The following MMP24 variants were observed in gnomAD, a reference collection of about 807,000 sequenced individuals.
MMP24 encodes matrix metalloproteinase-24.
A neutral mutation model predicts 62.8 loss-of-function variants in MMP24; 25 were observed. The ratio of observed to expected loss-of-function variants is 0.40; its 90% CI spans 0.29 to 0.56. The LOEUF (loss-of-function observed/expected upper bound fraction) is 0.56, where lower values mean the gene tolerates loss of function less well. Ranked by LOEUF, MMP24 falls within the 20% of genes least tolerant of loss-of-function variation. The pLI, the probability that MMP24 is intolerant of heterozygous loss-of-function variation, is 0.50. For synonymous variants in MMP24, 319 were observed against 350.5 expected (o/e 0.91, Z 1.00); for missense variants, 634 against 853.6 (o/e 0.74, Z 3.21).
chr20:35,249,155 T>A (rs2060531687), intron 2 of MMP24, among the ~76,000 whole-genome samples: 1 of 152,166 alleles, frequency 6.6e-6, no homozygotes, highest in Non-Finnish European at 1.5e-5. Flanking sequence ...AGGGTAGAAT[T>A]TAGAGCCCCA....
intron 5 of MMP24, 35 bp downstream of exon 5, chr20:35,263,987 T>A (rs140227200): frequency 6.4e-7 from 1 of 1,562,212 alleles, no homozygotes; most frequent in Admixed American, 1.8e-5. Context: ...TGCTCCTTCC[T>A]CGGGGCTGGG....
rs992277342 is a variant in MMP24 at position 35,275,437 on chromosome 20, GC to G, written c.*831del. 1.3e-5 allele frequency: 2 copies of G among 152,206 alleles called. No homozygotes were observed. The highest frequency in any genetic ancestry group is 4.8e-5 in the African/African-American group (2 of 41,418). The allele number at this position is 152,206 out of a possible 1,614,324, so 9.4% of individuals were successfully genotyped here. A position where few individuals can be genotyped will look rare whatever the true frequency, so the allele number is the denominator to read the frequency against. On this transcript the variant is annotated 3_prime_UTR_variant, in exon 9 of 9. Transcript: ENST00000246186. ...AAGGTGCTGCTAAGGCCACTCTAGC[GC>G]CCAGACACCCCAGTAGCTGAGCTCT...
intron 8 of MMP24, among the ~76,000 whole-genome samples, chr20:35,273,937 A>G (rs1369935818): frequency 6.6e-6 from 1 of 152,168 alleles, no homozygotes; most frequent in Non-Finnish European, 1.5e-5. Flanking sequence ...TGAGCGGGGC[A>G]AGGGGGACCT....
At chr20:35,239,814 C>A (rs2060480772) in intron 1 of MMP24, among the ~76,000 whole-genome samples, 1 of 151,964 alleles carries the variant, frequency 6.6e-6, no homozygotes, top group Admixed American at 6.6e-5. Flanking sequence ...AAAAAACCAA[C>A]CAAACAAACA....
chr20:35,254,214 C>A (rs893238795), intron 3 of MMP24, among the ~76,000 whole-genome samples: 1 of 152,162 alleles, frequency 6.6e-6, no homozygotes, highest in Non-Finnish European at 1.5e-5. Flanking sequence ...CTTTATTCGA[C>A]ACAGCTTTGC....
intron 1 of MMP24, among the ~76,000 whole-genome samples, chr20:35,242,763 A>C (rs141253360): frequency 7.9e-4 from 120 of 152,300 alleles, no homozygotes; most frequent in African/African-American, 2.8e-3. Context: ...TCATGTCCAT[A>C]AGTCACCCAA....
chr20:35,276,464 G>A lies in MMP24; in HGVS notation c.*1855G>A, dbSNP rs1369706503. The A allele has an allele frequency of 1.5e-5, 6 of 396,850 alleles. No individual in the cohort carries two copies. Among genetic ancestry groups the A allele is most frequent in the Non-Finnish European group, 2.7e-5 (6 of 225,234 alleles). The allele number at this position is 396,850 out of a possible 1,614,324, so 24.6% of individuals were successfully genotyped here. A position where few individuals can be genotyped will look rare whatever the true frequency, so the allele number is the denominator to read the frequency against. Reference sequence around the variant, plus strand: ...TCACCGTGCCCTCAGATGAAGCACAGAGAGGTTGTTACTTGCCCGGGCCAT... The same window carrying A: ...TCACCGTGCCCTCAGATGAAGCACAAAGAGGTTGTTACTTGCCCGGGCCAT... On this transcript the variant is annotated 3_prime_UTR_variant, in exon 9 of 9. Coordinates refer to ENST00000246186, the MANE Select transcript of MMP24 (RefSeq NM_006690.4).
chr20:35,260,369 G>A (rs2060596095), intron 4 of MMP24, among the ~76,000 whole-genome samples: 1 of 152,264 alleles, frequency 6.6e-6, no homozygotes, highest in Non-Finnish European at 1.5e-5. Flanking sequence ...GGTTAAAAGA[G>A]CAAGAGACAA....
intron 3 of MMP24, among the ~76,000 whole-genome samples, chr20:35,252,549 T>C (rs1479212954): frequency 6.6e-6 from 1 of 152,244 alleles, no homozygotes; most frequent in East Asian, 1.9e-4. Flanking sequence ...AAAATCCACC[T>C]GATGGACTTC....
chr20:35,267,389 C>T lies in MMP24; in HGVS notation c.1164C>T (p.Ala388=). 1 of 1,566,954 alleles carries T rather than the reference C, an allele frequency of 6.4e-7. No homozygotes were observed. The highest frequency in any genetic ancestry group is 8.6e-7 in the Non-Finnish European group (1 of 1,156,216). The change falls in exon 6 of 9, where the codon GCC becomes GCT. Residue 388 remains alanine (A), a synonymous_variant. Transcript: ENST00000246186. ...NICDGNFNTV[A]LFRGEMFVFK... ...GTGACGGCAACTTCAACACAGTGGC[C>T]CTCTTCCGGGGCGAGATGTTTGTCT...
At chr20:35,247,081 C>T in intron 2 of MMP24, 93 bp downstream of exon 2, 1 of 1,426,086 alleles carries the variant, frequency 7.0e-7, no homozygotes, top group East Asian at 2.3e-5. Flanking sequence ...CATGCCCATC[C>T]TCCCTTCCTA....
chr20:35,274,941 G>A lies in MMP24; in HGVS notation c.*332G>A, dbSNP rs1250872084. On this transcript the variant is annotated 3_prime_UTR_variant, in exon 9 of 9. Transcript: ENST00000246186. This position sits in a 1 kb window ranked among gnomAD's most constrained non-coding sequence, Gnocchi z 5.1. ...TCACGGCATCCTGTGGTGTCCATGA[G>A]GTACCACAGCTCCACTCCTGGCTGG... is the stretch of plus-strand genomic sequence containing the variant. The A allele has an allele frequency of 6.3e-6, 2 of 316,352 alleles. No individual in the cohort carries two copies. The highest frequency in any genetic ancestry group is 1.2e-5 in the Non-Finnish European group (2 of 170,196). The allele number at this position is 316,352 out of a possible 1,614,324, so 19.6% of individuals were successfully genotyped here.
rs529599753 is a variant in MMP24 at position 35,232,315 on chromosome 20, A to T, written c.246+5331A>T. 9.2e-5 allele frequency among the ~76,000 whole-genome samples: 14 copies of T among 152,332 alleles called. 1 individual carries two copies. In the South Asian group the frequency reaches 2.9e-3, roughly 32 times the overall value. On this transcript the variant is annotated intron_variant, in intron 1 of 8. Transcript: ENST00000246186. The stretch of plus-strand genomic sequence containing the variant: ...TTTGAACTCAAAACAGGAAGAACAA[A>T]CCACAGCCAATATCTCCTCAGTACC...
intron 2 of MMP24, among the ~76,000 whole-genome samples, chr20:35,249,239 T>C (rs1280563703): frequency 6.6e-6 from 1 of 152,168 alleles, no homozygotes; most frequent in Non-Finnish European, 1.5e-5. Flanking sequence ...CTAGGTGCCT[T>C]TGGGTCTAAC....
At chr20:35,252,102 C>A in intron 3 of MMP24, 81 bp downstream of exon 3, 1 of 1,152,766 alleles carries the variant, frequency 8.7e-7, no homozygotes, top group Non-Finnish European at 1.3e-6. Flanking sequence ...CAAAGGCTCA[C>A]AATGTAGGGG....
chr20:35,252,743 C>T (rs1415476370), intron 3 of MMP24, among the ~76,000 whole-genome samples: 3 of 151,330 alleles, frequency 2.0e-5, no homozygotes, highest in South Asian at 2.1e-4. Context: ...ACTGAAGCAC[C>T]GGAGTGAGGC....
chr20:35,274,793 C>A lies in MMP24; in HGVS notation c.*184C>A. On this transcript the variant is annotated 3_prime_UTR_variant, in exon 9 of 9. Transcript: ENST00000246186. The surrounding 1 kb of genome is among the most constrained non-coding windows in gnomAD (Gnocchi z 5.1). ...GGGGCAGGGAATTATGGGGGCTGTG[C>A]CCCAGGGTGGGTGTCTGGCACCCAG... The A allele has an allele frequency of 1.6e-6, 1 of 623,068 alleles. No individual in the cohort carries two copies. Among genetic ancestry groups the A allele is most frequent in the South Asian group, 2.0e-5 (1 of 49,282 alleles). The allele number at this position is 623,068 out of a possible 1,614,324, so 38.6% of individuals were successfully genotyped here.
At chr20:35,232,691 G>C (rs1196837643) in intron 1 of MMP24, among the ~76,000 whole-genome samples, 1 of 152,210 alleles carries the variant, frequency 6.6e-6, no homozygotes, top group Non-Finnish European at 1.5e-5. Flanking sequence ...GCATGTTTAG[G>C]AAACAGTGGA....
chr20:35,260,598 T>C (rs1468270809), intron 4 of MMP24, among the ~76,000 whole-genome samples: 1 of 152,242 alleles, frequency 6.6e-6, no homozygotes, highest in African/African-American at 2.4e-5. Context: ...TTGTTTGGGA[T>C]GGAGCTCAGC....
Sources: allele counts gnomAD v4.1 joint callset (sites outside exome capture counted in the v4.1 genomes callset), GRCh38; gene constraint gnomAD v4.1.1; non-coding constraint Gnocchi (gnomAD v3.1); transcripts MANE v1.5; gene names NCBI Gene and HGNC (gene_info 2026-07-23, HGNC 2026-07-21).